REDIC1: variants seen among roughly 807,000 people sequenced by gnomAD.
REDIC1 encodes the protein regulator of DNA class I crossover intermediates 1.
chr12:39,782,465 T>A, the REDIC1 span, among the ~76,000 whole-genome samples: 1 of 152,176 alleles, frequency 6.6e-6, no homozygotes, highest in East Asian at 1.9e-4. Context: ...CCACGTAAGA[T>A]GTGCCCTTTG....
chr12:39,742,566 G>A, the REDIC1 span, among the ~76,000 whole-genome samples: 2 of 152,124 alleles, frequency 1.3e-5, no homozygotes, highest in Admixed American at 6.5e-5. Context: ...TTCCCTGCCC[G>A]TGAAGTCCTC....
the REDIC1 span, among the ~76,000 whole-genome samples, chr12:39,797,467 G>A: frequency 6.6e-6 from 1 of 151,982 alleles, no homozygotes; most frequent in Non-Finnish European, 1.5e-5. Context: ...CAGCAATATG[G>A]GAAAATATAT....
At chr12:39,741,066 A>G in the REDIC1 span, among the ~76,000 whole-genome samples, 1 of 152,102 alleles carries the variant, frequency 6.6e-6, no homozygotes, top group Non-Finnish European at 1.5e-5. Context: ...TCCTGGGTGC[A>G]AGCGATTCTC....
the REDIC1 span, chr12:39,641,037 A>C: frequency 1.3e-6 from 2 of 1,502,432 alleles, no homozygotes; most frequent in Non-Finnish European, 1.8e-6. Flanking sequence ...TTATGAGACT[A>C]ATAACCTTGA....
the REDIC1 span, among the ~76,000 whole-genome samples, chr12:39,879,088 T>C: frequency 1.3e-5 from 2 of 152,278 alleles, no homozygotes; most frequent in Non-Finnish European, 1.5e-5. Flanking sequence ...TGCTGTCTTC[T>C]ACATGGTGTT....
At chr12:39,723,499 T>G in the REDIC1 span, among the ~76,000 whole-genome samples, 1 of 151,666 alleles carries the variant, frequency 6.6e-6, no homozygotes, top group Admixed American at 6.6e-5. Flanking sequence ...AATGCATTAC[T>G]GGTTTGGGCT....
chr12:39,829,608 T>C, the REDIC1 span: 1 of 159,608 alleles, frequency 6.3e-6, no homozygotes, highest in Non-Finnish European at 1.4e-5. Context: ...AGGTGGGGTT[T>C]CACCATGTTG....
the REDIC1 span, among the ~76,000 whole-genome samples, chr12:39,767,266 G>A: frequency 6.6e-6 from 1 of 151,212 alleles, no homozygotes; most frequent in South Asian, 2.1e-4. Context: ...AGTGACCAGT[G>A]TCATTGTCAA....
At chr12:39,841,877 T>C in the REDIC1 span, among the ~76,000 whole-genome samples, 10,029 of 152,098 alleles carry the variant, frequency 0.066, 644 homozygotes, top group African/African-American at 0.18. Context: ...CGACTAGTAT[T>C]TGTAGCTATG....
the REDIC1 span, among the ~76,000 whole-genome samples, chr12:39,734,043 A>C: frequency 6.6e-6 from 1 of 152,248 alleles, no homozygotes; most frequent in Non-Finnish European, 1.5e-5. Context: ...TGGTGTAGGC[A>C]CCTGAGGGAA....
the REDIC1 span, among the ~76,000 whole-genome samples, chr12:39,689,587 G>C: frequency 2.0e-5 from 3 of 152,126 alleles, no homozygotes; most frequent in East Asian, 5.8e-4. Context: ...AAAGTGTATA[G>C]AATAAGAACA....
At chr12:39,711,864 TACAC>T in the REDIC1 span, among the ~76,000 whole-genome samples, 10 of 58,360 alleles carry the variant, frequency 1.7e-4, 1 homozygote, top group African/African-American at 7.6e-4. Flanking sequence ...TGTATGTGTA[TACAC>T]GTATACACAT....
At chr12:39,653,518 CTTCTTCTTCTTCTTCTTCTTT>C in the REDIC1 span, among the ~76,000 whole-genome samples, 103 of 56,708 alleles carry the variant, frequency 1.8e-3, 1 homozygote, top group African/African-American at 4.9e-3. Flanking sequence ...TCTTCTTCTT[CTTCTTCTTCTTCTTCTTCTTT>C]TTCTTCTTCT....
the REDIC1 span, among the ~76,000 whole-genome samples, chr12:39,781,162 C>G: frequency 6.6e-6 from 1 of 152,136 alleles, no homozygotes; most frequent in Non-Finnish European, 1.5e-5. Flanking sequence ...AGCAATGAAA[C>G]AAAACTGTAA....
At chr12:39,889,407 T>G in the REDIC1 span, among the ~76,000 whole-genome samples, 1 of 152,112 alleles carries the variant, frequency 6.6e-6, no homozygotes, top group Admixed American at 6.6e-5. Context: ...AGCCTTATAC[T>G]CTAACAAATT....
the REDIC1 span, among the ~76,000 whole-genome samples, chr12:39,696,957 A>T: frequency 6.6e-6 from 1 of 152,314 alleles, no homozygotes; most frequent in East Asian, 1.9e-4. Context: ...GGCAAATCTA[A>T]GAGTGGTTAT....
chr12:39,716,916 T>G, the REDIC1 span: 1 of 953,372 alleles, frequency 1.0e-6, no homozygotes. Context: ...ACCTTTACCC[T>G]ATAAAACTGT....
At chr12:39,776,068 TAGAC>T in the REDIC1 span, among the ~76,000 whole-genome samples, 1 of 152,230 alleles carries the variant, frequency 6.6e-6, no homozygotes, top group Admixed American at 6.5e-5. Context: ...TAGTGACTCA[TAGAC>T]AGCTAATCTG....
chr12:39,627,484 A>G, the REDIC1 span, among the ~76,000 whole-genome samples: 7,216 of 152,254 alleles, frequency 0.047, 599 homozygotes, highest in African/African-American at 0.17. Context: ...ATTCTGTCAT[A>G]TATCACAAAC....
Sources: allele counts gnomAD v4.1 joint callset (sites outside exome capture counted in the v4.1 genomes callset), GRCh38; gene constraint gnomAD v4.1.1; transcripts MANE v1.5; gene names NCBI Gene and HGNC (gene_info 2026-07-23, HGNC 2026-07-21).